DYNC2LI1: variants seen among roughly 807,000 people sequenced by gnomAD.
DYNC2LI1 encodes the protein cytoplasmic dynein 2 light intermediate chain 1.
DYNC2LI1 carries 45 observed loss-of-function variants against 51.9 expected under a neutral mutation model. The ratio of observed to expected loss-of-function variants is 0.87; its 90% confidence interval spans 0.68 to 1.11. DYNC2LI1 has a LOEUF of 1.11. DYNC2LI1 is among the 50% of genes most tolerant of loss of function. The pLI is 0.00. For missense variants in DYNC2LI1, 490 were observed against 417.4 expected (o/e 1.17, Z -1.51); for synonymous variants, 130 against 137.8 (o/e 0.94, Z 0.40).
the DYNC2LI1 span, chr2:43,824,471 T>C: frequency 2.5e-6 from 4 of 1,607,408 alleles, no homozygotes; most frequent in Non-Finnish European, 3.4e-6. Context: ...CATGTGTTTT[T>C]AAATGCATGT....
chr2:43,778,796 G>A (rs570863701), intron 2 of DYNC2LI1, among the ~76,000 whole-genome samples: 13 of 151,968 alleles, frequency 8.6e-5, no homozygotes, highest in African/African-American at 2.9e-4. Context: ...GTTTTGTCTT[G>A]TTTTGTTTTG....
intron 7 of DYNC2LI1, 77 bp downstream of exon 7, chr2:43,796,035 A>G (rs1431458006): frequency 9.9e-7 from 1 of 1,012,488 alleles, no homozygotes; most frequent in Non-Finnish European, 1.5e-6. Flanking sequence ...CAAAAATAAT[A>G]TCAAAATAAG....
At position 43,776,822 on chromosome 2, in the gene DYNC2LI1, A is replaced by G; in HGVS notation, c.49A>G (p.Arg17Gly). Reference protein sequence around the residue: ...WEIAKAEVEKRGINGSEGDGA... With the variant: ...WEIAKAEVEKGGINGSEGDGA... ...AATTGCAAAAGCTGAAGTGGAAAAA[A>G]GGGGAATTAATGGAAGTGAAGGTGA... is the stretch of plus-strand genomic sequence containing the variant. Residue 17 changes from arginine to glycine, a missense_variant, in exon 2 of 13, where the codon AGG becomes GGG. By Grantham distance (125) the Arg-to-Gly change is moderately radical. Coordinates refer to ENST00000260605, the MANE Select transcript of DYNC2LI1 (RefSeq NM_016008.4). 6.2e-7 allele frequency: 1 copy of G among 1,601,544 alleles called. No homozygotes were observed. Among genetic ancestry groups the G allele is most frequent in the Non-Finnish European group, 8.5e-7 (1 of 1,174,220 alleles).
At chr2:43,827,733 A>G in the DYNC2LI1 span, among the ~76,000 whole-genome samples, 2 of 152,224 alleles carry the variant, frequency 1.3e-5, no homozygotes, top group Admixed American at 6.5e-5. Context: ...GAAAACCCCA[A>G]TGGAACACTT....
chr2:43,824,784 C>G, the DYNC2LI1 span: 1 of 1,552,254 alleles, frequency 6.4e-7, no homozygotes, highest in Non-Finnish European at 8.8e-7. Flanking sequence ...AACACAAAAA[C>G]AAAAGCAAAA....
At chr2:43,818,261 TG>T in the DYNC2LI1 span, among the ~76,000 whole-genome samples, 1 of 152,016 alleles carries the variant, frequency 6.6e-6, no homozygotes, top group Non-Finnish European at 1.5e-5. Context: ...CTGGCCAACA[TG>T]GCGAAACCCC....
At chr2:43,782,285 A>T (rs1673324547) in intron 2 of DYNC2LI1, among the ~76,000 whole-genome samples, 1 of 152,078 alleles carries the variant, frequency 6.6e-6, no homozygotes, top group Admixed American at 6.6e-5. Flanking sequence ...ATATTGTACA[A>T]TTCCAGTTAT....
At chr2:43,784,396 A>C (rs1432544821) in intron 3 of DYNC2LI1, among the ~76,000 whole-genome samples, 1 of 152,142 alleles carries the variant, frequency 6.6e-6, no homozygotes, top group African/African-American at 2.4e-5. Context: ...TTAGGATAAA[A>C]TACTACAAAA....
At chr2:43,809,173 G>A (rs1186107964) in intron 12 of DYNC2LI1, among the ~76,000 whole-genome samples, 1 of 152,048 alleles carries the variant, frequency 6.6e-6, no homozygotes, top group Non-Finnish European at 1.5e-5. Flanking sequence ...CTCAGTTTTT[G>A]TAGAGACACG....
At chr2:43,806,735 A>G (rs1666272582) in intron 12 of DYNC2LI1, among the ~76,000 whole-genome samples, 1 of 152,218 alleles carries the variant, frequency 6.6e-6, no homozygotes, top group South Asian at 2.1e-4. Flanking sequence ...TGTGAGCATC[A>G]TGAGTTTTCA....
At chr2:43,802,843 A>G (rs1018192666) in intron 10 of DYNC2LI1, among the ~76,000 whole-genome samples, 3 of 152,342 alleles carry the variant, frequency 2.0e-5, no homozygotes, top group African/African-American at 7.2e-5. Flanking sequence ...ATCCAATTAG[A>G]AAGTGGGCAA....
At chr2:43,795,504 A>G (rs781695791) in intron 6 of DYNC2LI1, among the ~76,000 whole-genome samples, 1 of 152,182 alleles carries the variant, frequency 6.6e-6, no homozygotes, top group Non-Finnish European at 1.5e-5. Context: ...CTCTGCCTCA[A>G]AAGAAAAAAA....
intron 5 of DYNC2LI1, chr2:43,792,835 T>C: frequency 6.6e-7 from 1 of 1,508,412 alleles, no homozygotes; most frequent in Non-Finnish European, 8.8e-7. Flanking sequence ...AGGATTTCCC[T>C]CACTTCTAAG....
At chr2:43,804,869 C>A in intron 11 of DYNC2LI1, 130 bp downstream of exon 11, 1 of 588,224 alleles carries the variant, frequency 1.7e-6, no homozygotes, top group Non-Finnish European at 2.8e-6. Flanking sequence ...TAAACATTTG[C>A]TGAAAATGTA....
chr2:43,800,745 C>T (rs550878972), intron 8 of DYNC2LI1, 96 bp from the exon 9 acceptor site: 13 of 603,304 alleles, frequency 2.2e-5, no homozygotes, highest in Non-Finnish European at 3.3e-5. Context: ...CAGTGATTCT[C>T]TTTGTAATCT....
the DYNC2LI1 span, among the ~76,000 whole-genome samples, chr2:43,823,285 C>T: frequency 8.2e-5 from 12 of 146,842 alleles, no homozygotes; most frequent in South Asian, 4.6e-4. Context: ...CACCCCACCC[C>T]GCCCCCACCA....
chr2:43,805,887 T>C (rs1666234390), intron 12 of DYNC2LI1, among the ~76,000 whole-genome samples: 1 of 151,782 alleles, frequency 6.6e-6, no homozygotes. Flanking sequence ...TCTTTTTCTT[T>C]TTCTTTTTTT....
At chr2:43,818,986 C>G in the DYNC2LI1 span, among the ~76,000 whole-genome samples, 2 of 152,134 alleles carry the variant, frequency 1.3e-5, no homozygotes, top group African/African-American at 4.8e-5. Context: ...TGCGTCACAG[C>G]CTTCATAGTG....
rs536182625 is a variant in DYNC2LI1 at position 43,776,873 on chromosome 2, G to A, written c.100G>A (p.Val34Ile). The stretch of plus-strand genomic sequence containing the variant: ...TGGAGCTGAAATTGCAGAAAAATTT[G>A]TTTTCTTCATTGGCAGTAAAAATGG... ...GDGAEIAEKF[V>I]FFIGSKNGGK... The change falls in exon 2 of 13, where the codon GTT becomes ATT. Residue 34 changes from valine (V) to isoleucine (I), a missense_variant. Coordinates refer to ENST00000260605, the MANE Select transcript of DYNC2LI1 (RefSeq NM_016008.4). 12 of 1,591,404 alleles carry A rather than the reference G, an allele frequency of 7.5e-6. No homozygotes were observed. Among genetic ancestry groups the A allele is most frequent in the African/African-American group, 4.1e-5 (3 of 73,752 alleles).
Sources: gnomAD v4.1 joint callset for allele counts (sites outside exome capture counted in the v4.1 genomes callset) on GRCh38, gnomAD v4.1.1 for gene constraint, MANE v1.5 for transcripts, NCBI Gene and HGNC (gene_info 2026-07-23, HGNC 2026-07-21) for gene names.